ZNF26: variants seen among roughly 807,000 people sequenced by gnomAD.
The protein encoded by ZNF26 is zinc finger protein 26.
A neutral mutation model predicts 54.9 loss-of-function variants in ZNF26; 32 were observed. The observed-to-expected ratio is 0.58, with a 90% confidence interval of 0.44 to 0.78. The LOEUF is 0.78. Among genes scored for constraint, ZNF26 ranks in the 30% least tolerant of loss-of-function variants. The pLI, the probability that ZNF26 is intolerant of heterozygous loss-of-function variation, is 0.00. For synonymous variants in ZNF26, 221 were observed against 209.2 expected (o/e 1.06, Z -0.49); for missense variants, 524 against 634.0 (o/e 0.83, Z 1.86).
rs1953447486 is a variant in ZNF26, at chr12:133,010,540, C to T, written c.661C>T (p.Gln221Ter). Residue 221 changes from glutamine (Q) to a stop codon, truncating the protein, a stop_gained, in exon 4 of 4, where the codon CAG becomes TAG. Coordinates refer to ENST00000328654, the MANE Select transcript of ZNF26 (RefSeq NM_019591.4). LOFTEE classifies it high-confidence loss of function. Reference protein sequence around the residue: ...FSAKSNLNAHQRVHTGEKPYS... With the variant: ...FSAKSNLNAH Reference sequence around the variant, plus strand: ...TGCCAAGTCAAACCTTAATGCTCATCAGAGAGTTCATACAGGAGAAAAACC... The same window carrying T: ...TGCCAAGTCAAACCTTAATGCTCATTAGAGAGTTCATACAGGAGAAAAACC... 1 of 1,614,202 alleles carries T rather than the reference C, an allele frequency of 6.2e-7. No individual in the cohort carries two copies. The highest frequency in any genetic ancestry group is 1.7e-5 in the Admixed American group (1 of 60,018).
chr12:133,005,988 G>T, intron 1 of ZNF26: 1 of 641,062 alleles, frequency 1.6e-6, no homozygotes, highest in Non-Finnish European at 1.9e-6. Flanking sequence ...TGTTCTGTGT[G>T]ATGCTTGCTT....
rs1953477733 is a variant in ZNF26, at chr12:133,011,705, T to C, written c.*224T>C. ...GTGGAGCAATAAATGTATCAAATGT[T>C]GTAGTATCATCATGAAGATTCAGAG... On this transcript the variant is annotated 3_prime_UTR_variant, in exon 4 of 4. Coordinates refer to ENST00000328654, the MANE Select transcript of ZNF26 (RefSeq NM_019591.4). 1.7e-5 allele frequency: 6 copies of C among 346,104 alleles called. No homozygotes were observed. The South Asian group carries it at 5.1e-4, about 30-fold the overall frequency. 21.4% of individuals were successfully genotyped at this position (346,104 alleles called of 1,614,324 possible).
rs4758931 is a variant in ZNF26, at chr12:133,013,396, T to G, written c.*1915T>G. 2 of 152,562 alleles carry G rather than the reference T, an allele frequency of 1.3e-5. No homozygotes were observed. Among genetic ancestry groups the G allele is most frequent in the African/African-American group, 4.8e-5 (2 of 41,464 alleles). The allele number at this position is 152,562 out of a possible 1,614,324, so 9.5% of individuals were successfully genotyped here. ...TACTAAATCCCTTAATGTAAACATG[T>G]GTTGAAAAAGTTATCCTCACCCTTC... On this transcript the variant is annotated 3_prime_UTR_variant, in exon 4 of 4. Transcript: ENST00000328654.
At chr12:132,991,590 G>A (rs1952957857) in intron 1 of ZNF26, among the ~76,000 whole-genome samples, 1 of 150,394 alleles carries the variant, frequency 6.6e-6, no homozygotes, top group Non-Finnish European at 1.5e-5. Flanking sequence ...ACCAGCCTGG[G>A]CAACGCAGAG....
Position 133,010,950 on chromosome 12 carries a change from C to A in ZNF26, c.1071C>A (p.Leu357=). The A allele has an allele frequency of 6.2e-7, 1 of 1,614,062 alleles. No individual in the cohort carries two copies. The part of the protein sequence containing the change: ...CGKAFNMKTQ[L]IVHQGVHTGN... ...AAGCCTTCAATATGAAGACACAACT[C>A]ATTGTACATCAGGGAGTTCACACAG... The change falls in exon 4 of 4, where the codon CTC becomes CTA. Residue 357 remains leucine (L), a synonymous_variant. Coordinates refer to ENST00000328654, the MANE Select transcript of ZNF26 (RefSeq NM_019591.4).
chr12:133,018,314 A>G lies in ZNF26; in HGVS notation c.*6833A>G, dbSNP rs1953594254. The G allele has an allele frequency of 6.6e-6, 1 of 152,214 alleles. No homozygotes were observed. The allele number at this position is 152,214 out of a possible 1,614,324, so 9.4% of individuals were successfully genotyped here. On this transcript the variant is annotated 3_prime_UTR_variant, in exon 4 of 4. Coordinates refer to ENST00000328654, the MANE Select transcript of ZNF26 (RefSeq NM_019591.4). ...AATATTTATAGCAATGTGTTGTTGC[A>G]TTTGTAACATAGATATATATATCAA...
At chr12:133,000,935 CGCTGCTCCTGGTCTACCT>C (rs1953205742) in intron 1 of ZNF26, among the ~76,000 whole-genome samples, 1 of 152,050 alleles carries the variant, frequency 6.6e-6, no homozygotes, top group African/African-American at 2.4e-5. Context: ...CTGGTCTACC[CGCTGCTCCTGGTCTACCT>C]GCTATCTGCT....
intron 1 of ZNF26, among the ~76,000 whole-genome samples, chr12:133,000,772 T>A (rs1333011875): frequency 2.0e-5 from 3 of 152,098 alleles, no homozygotes; most frequent in Admixed American, 1.3e-4. Context: ...TTGGCCAGGC[T>A]GGTCTTGAAC....
rs559904678 is a variant in ZNF26, at chr12:133,014,527, GT to G, written c.*3057del. On this transcript the variant is annotated 3_prime_UTR_variant, in exon 4 of 4. Coordinates refer to ENST00000328654, the MANE Select transcript of ZNF26 (RefSeq NM_019591.4). Reference sequence around the variant, plus strand: ...AGCAGTGATGATGGTTTTGCTTTCTGTTTTTTTTTTTGTTTTGTTTTGTTTT... The same window carrying G: ...AGCAGTGATGATGGTTTTGCTTTCTGTTTTTTTTTTGTTTTGTTTTGTTTT... The G allele has an allele frequency of 5.4e-5, 8 of 147,352 alleles. No individual in the cohort carries two copies. The highest frequency in any genetic ancestry group is 2.1e-4 in the South Asian group (1 of 4,666). 9.1% of individuals were successfully genotyped at this position (147,352 alleles called of 1,614,324 possible).
intron 1 of ZNF26, among the ~76,000 whole-genome samples, chr12:132,988,409 A>ATT (rs878891399): frequency 1.4e-5 from 2 of 147,532 alleles, no homozygotes; most frequent in African/African-American, 5.0e-5. Flanking sequence ...CTAATTAAAA[A>ATT]TTTTTTTTTT....
intron 3 of ZNF26, among the ~76,000 whole-genome samples, chr12:133,008,968 C>T (rs1340563622): frequency 3.3e-5 from 5 of 151,838 alleles, no homozygotes; most frequent in Non-Finnish European, 5.9e-5. Flanking sequence ...AGGAGTAAGG[C>T]GGGGCGGGGA....
At position 133,013,157 on chromosome 12, in the gene ZNF26, G is replaced by A. The variant is rs890502432; in HGVS notation, c.*1676G>A. 5.3e-5 allele frequency: 8 copies of A among 152,198 alleles called. No homozygotes were observed. Among genetic ancestry groups the A allele is most frequent in the Non-Finnish European group, 1.0e-4 (7 of 68,034 alleles). The allele number at this position is 152,198 out of a possible 1,614,324, so 9.4% of individuals were successfully genotyped here. A position where few individuals can be genotyped will look rare whatever the true frequency, so the allele number is the denominator to read the frequency against. On this transcript the variant is annotated 3_prime_UTR_variant, in exon 4 of 4. Transcript: ENST00000328654. Reference sequence around the variant, plus strand: ...GAATTTTAAATTTATGAGAAAATCTGAGACAGGGGCAGAGATGGCTGATTT... The same window carrying A: ...GAATTTTAAATTTATGAGAAAATCTAAGACAGGGGCAGAGATGGCTGATTT...
At chr12:132,989,028 ATTTTTTTTTTTTT>A (rs150395603) in intron 1 of ZNF26, among the ~76,000 whole-genome samples, 3 of 78,826 alleles carry the variant, frequency 3.8e-5, no homozygotes, top group African/African-American at 1.0e-4. Context: ...CTTTCGGTGA[ATTTTTTTTTTTTT>A]TTTTTTTTTT....
chr12:133,007,343 C>A, intron 2 of ZNF26, 94 bp from the exon 3 acceptor site: 1 of 1,319,350 alleles, frequency 7.6e-7, no homozygotes. Context: ...AATCTTTCCC[C>A]AAGTGAGATG....
At chr12:132,997,411 CAG>C (rs1459250056) in intron 1 of ZNF26, among the ~76,000 whole-genome samples, 1 of 151,684 alleles carries the variant, frequency 6.6e-6, no homozygotes, top group Non-Finnish European at 1.5e-5. Flanking sequence ...GAGTCCAGAA[CAG>C]GGGTTAATCA....
intron 1 of ZNF26, among the ~76,000 whole-genome samples, chr12:132,997,161 G>A (rs1442439786): frequency 1.3e-5 from 2 of 152,198 alleles, no homozygotes; most frequent in Non-Finnish European, 2.9e-5. Flanking sequence ...AACAATAGAT[G>A]AACTGGAAAT....
chr12:132,997,030 G>A (rs1416696951), intron 1 of ZNF26, among the ~76,000 whole-genome samples: 1 of 152,234 alleles, frequency 6.6e-6, no homozygotes, highest in East Asian at 1.9e-4. Context: ...CAGACCCAGT[G>A]CTTCTAGACC....
At chr12:132,990,686 C>T (rs1331876503) in intron 1 of ZNF26, among the ~76,000 whole-genome samples, 2 of 152,074 alleles carry the variant, frequency 1.3e-5, no homozygotes, top group East Asian at 1.9e-4. Context: ...TGGCCTGGCA[C>T]TTTCTGGTTT....
At chr12:132,992,428 A>C (rs1019007756) in intron 1 of ZNF26, among the ~76,000 whole-genome samples, 30 of 151,922 alleles carry the variant, frequency 2.0e-4, no homozygotes, top group African/African-American at 6.5e-4. Flanking sequence ...TGTGTTTTAA[A>C]AATGATATGC....
Sources: allele counts gnomAD v4.1 joint callset (sites outside exome capture counted in the v4.1 genomes callset), GRCh38; gene constraint gnomAD v4.1.1; transcripts MANE v1.5; gene names NCBI Gene and HGNC (gene_info 2026-07-23, HGNC 2026-07-21).